IMPG1: variants seen among roughly 807,000 people sequenced by gnomAD.
IMPG1 encodes interphotoreceptor matrix proteoglycan 1.
In IMPG1, 85 loss-of-function variants were observed where a neutral mutation model predicts 92.0. The observed-to-expected ratio is 0.92, with a 90% CI of 0.78 to 1.11. IMPG1 has a LOEUF of 1.11. IMPG1 is among the 50% of genes least tolerant of loss of function. The pLI is 0.00. For missense variants in IMPG1, 1,022 were observed against 956.0 expected (o/e 1.07, Z -0.91); for synonymous variants, 367 against 334.1 (o/e 1.10, Z -1.08).
intron 12 of IMPG1, among the ~76,000 whole-genome samples, chr6:75,957,504 G>T (rs1046775892): frequency 6.6e-6 from 1 of 152,092 alleles, no homozygotes; most frequent in Non-Finnish European, 1.5e-5. Flanking sequence ...ATAGATAGTG[G>T]GGTGTTAAAG....
At chr6:76,036,055 A>T (rs970573893) in intron 2 of IMPG1, among the ~76,000 whole-genome samples, 2 of 152,140 alleles carry the variant, frequency 1.3e-5, no homozygotes, top group Admixed American at 1.3e-4. Context: ...CTGTAACAAA[A>T]CTCCATCTGT....
At position 76,005,152 on chromosome 6, in the gene IMPG1, A is replaced by G. The variant is rs13218976; in HGVS notation, c.1135+135T>C. 7.3e-6 allele frequency: 6 copies of G among 826,426 alleles called. No homozygotes were observed. In the Middle Eastern group the frequency reaches 7.5e-4, roughly 103 times the overall value. 51.2% of individuals were successfully genotyped at this position (826,426 alleles called of 1,614,324 possible). On this transcript the variant is annotated intron_variant, in intron 10 of 16. Coordinates refer to ENST00000369950, the MANE Select transcript of IMPG1 (RefSeq NM_001563.4). ...AGGAGTGAGAAAAGCTAGAAATGAT[A>G]CCATATGTATTCCTGTCACAGTAAT...
chr6:76,070,212 C>G (rs545826203), intron 1 of IMPG1, among the ~76,000 whole-genome samples: 7 of 152,230 alleles, frequency 4.6e-5, no homozygotes, highest in African/African-American at 1.7e-4. Flanking sequence ...AAATGGCCAA[C>G]AAACATATGA....
At position 75,980,752 on chromosome 6, in the gene IMPG1, C is replaced by G. The variant is rs1397937966; in HGVS notation, c.1291+22166G>C. ...TTTGAGGTTTTGGAACTCGGGCTGT[C>G]TTCCTTGCTCCTCAACTTGCAGATG... On this transcript the variant is annotated intron_variant, in intron 12 of 16. Transcript: ENST00000369950. 3.9e-5 allele frequency among the ~76,000 whole-genome samples: 6 copies of G among 152,216 alleles called. No homozygotes were observed. The East Asian group carries it at 1.2e-3, about 29-fold the overall frequency.
At position 76,053,831 on chromosome 6, in the gene IMPG1, G is replaced by A. The variant is rs1784079792; in HGVS notation, c.68-11705C>T. On this transcript the variant is annotated intron_variant, in intron 1 of 16. Transcript: ENST00000369950. The stretch of plus-strand genomic sequence containing the variant: ...ATTGCTATCATGTAAACTTAATCTT[G>A]GAGTATGTTGGGAATTCTCAGTAAA... Among the ~76,000 whole-genome samples, 5 of 152,088 alleles carry A rather than the reference G, an allele frequency of 3.3e-5. No homozygotes were observed. The South Asian group carries it at 8.3e-4, about 25-fold the overall frequency.
intron 9 of IMPG1, among the ~76,000 whole-genome samples, chr6:76,006,498 A>G (rs555946623): frequency 2.0e-4 from 29 of 144,374 alleles, no homozygotes; most frequent in Non-Finnish European, 3.3e-4. Context: ...ACACACATAT[A>G]TATACACCTA....
chr6:75,991,200 G>A (rs1466334561), intron 12 of IMPG1, among the ~76,000 whole-genome samples: 1 of 152,114 alleles, frequency 6.6e-6, no homozygotes, highest in Admixed American at 6.6e-5. Flanking sequence ...AGACTATCCT[G>A]GTAACACAGT....
intron 2 of IMPG1, among the ~76,000 whole-genome samples, chr6:76,036,182 A>G (rs967577074): frequency 1.3e-5 from 2 of 152,192 alleles, no homozygotes; most frequent in African/African-American, 4.8e-5. Context: ...ACTAAGTAAA[A>G]TAATAGGGAT....
intron 14 of IMPG1, among the ~76,000 whole-genome samples, chr6:75,945,038 C>A (rs1781902845): frequency 6.6e-6 from 1 of 152,184 alleles, no homozygotes; most frequent in Non-Finnish European, 1.5e-5. Context: ...GACGTTAGCA[C>A]CATCTCATGC....
At chr6:75,965,604 T>G in intron 12 of IMPG1, among the ~76,000 whole-genome samples, 1 of 84,518 alleles carries the variant, frequency 1.2e-5, no homozygotes, top group East Asian at 3.0e-4. Context: ...TACATACTTG[T>G]TCTTTTTTTT....
At chr6:75,980,683 G>GC (rs1160667724) in intron 12 of IMPG1, among the ~76,000 whole-genome samples, 1 of 152,170 alleles carries the variant, frequency 6.6e-6, no homozygotes. Flanking sequence ...GGGCTCTCAG[G>GC]CCTTTGGCCA....
chr6:75,983,962 A>G (rs1240565159), intron 12 of IMPG1, among the ~76,000 whole-genome samples: 6 of 152,218 alleles, frequency 3.9e-5, no homozygotes, highest in Non-Finnish European at 8.8e-5. Context: ...AGGTATATGA[A>G]GAACTGCTCA....
chr6:75,999,687 T>C (rs1782954721), intron 12 of IMPG1, among the ~76,000 whole-genome samples: 1 of 152,236 alleles, frequency 6.6e-6, no homozygotes, highest in Non-Finnish European at 1.5e-5. Context: ...TTTGGGCTGA[T>C]TATGAAAGCA....
chr6:76,057,512 T>TA (rs1023664663), intron 1 of IMPG1, among the ~76,000 whole-genome samples: 1 of 152,136 alleles, frequency 6.6e-6, no homozygotes, highest in Non-Finnish European at 1.5e-5. Context: ...AGACAGAGTA[T>TA]AAGCACCCCG....
chr6:75,968,355 A>G (rs1424150421), intron 12 of IMPG1, among the ~76,000 whole-genome samples: 1 of 152,118 alleles, frequency 6.6e-6, no homozygotes, highest in African/African-American at 2.4e-5. Context: ...CAATTCAGCA[A>G]TTTCTTTGGT....
chr6:76,003,315 T>G (rs1191055674), intron 11 of IMPG1, among the ~76,000 whole-genome samples: 4 of 152,202 alleles, frequency 2.6e-5, no homozygotes, highest in Non-Finnish European at 4.4e-5. Context: ...TAAAGCTTAG[T>G]CAGCACTTCT....
At chr6:76,068,530 T>C (rs1784350465) in intron 1 of IMPG1, among the ~76,000 whole-genome samples, 1 of 150,316 alleles carries the variant, frequency 6.7e-6, no homozygotes, top group Admixed American at 6.6e-5. Flanking sequence ...TTTTTTTTTT[T>C]TGGAGACAGA....
intron 12 of IMPG1, among the ~76,000 whole-genome samples, chr6:75,965,887 A>G (rs148269658): frequency 0.013 from 1,948 of 152,248 alleles, 13 homozygotes; most frequent in Middle Eastern, 0.024. Context: ...GATTACAGGC[A>G]TGAGCCACCA....
At chr6:75,981,480 A>G (rs150494166) in intron 12 of IMPG1, among the ~76,000 whole-genome samples, 1 of 152,262 alleles carries the variant, frequency 6.6e-6, no homozygotes. Context: ...AGAACTTGTT[A>G]AAAAGCAAAT....
Sources: allele counts gnomAD v4.1 joint callset (sites outside exome capture counted in the v4.1 genomes callset), GRCh38; gene constraint gnomAD v4.1.1; transcripts MANE v1.5; gene names NCBI Gene and HGNC (gene_info 2026-07-23, HGNC 2026-07-21).